Variants in AKAP8L observed in about 807,000 individuals in gnomAD.
AKAP8L encodes the protein A-kinase anchoring protein 8 like, also known as A-kinase anchor protein 8-like.
In AKAP8L, 34 loss-of-function variants were observed where a neutral mutation model predicts 77.5. That is an observed-to-expected ratio of 0.44 (90% CI 0.33 to 0.58). The LOEUF (loss-of-function observed/expected upper bound fraction) is 0.58, where lower values mean the gene tolerates loss of function less well. Among genes scored for constraint, AKAP8L ranks in the 20% least tolerant of loss-of-function variants. AKAP8L has a pLI of 0.02. For synonymous variants in AKAP8L, 342 were observed against 340.7 expected (o/e 1.00, Z -0.04); for missense variants, 806 against 887.6 (o/e 0.91, Z 1.17).
At position 15,389,182 on chromosome 19, in the gene AKAP8L, G is replaced by A. The variant is rs553251298; in HGVS notation, c.1536+7968C>T. On this transcript the variant is annotated intron_variant, in intron 12 of 13. Transcript: ENST00000397410. ...GGAGCTTGCAGTGTGCAGAGATGGC[G>A]CCACTGCACTCCAGCCTAGGCAACA... Among the ~76,000 whole-genome samples the A allele has an allele frequency of 1.4e-3, 204 of 146,758 alleles. 1 individual carries two copies. The highest frequency in any genetic ancestry group is 3.4e-3 in the South Asian group (16 of 4,666).
At position 15,398,509 on chromosome 19, in the gene AKAP8L, C is replaced by T; in HGVS notation, c.1158-654G>A. 1 of 920,928 alleles carries T rather than the reference C, an allele frequency of 1.1e-6. No individual in the cohort carries two copies. The highest frequency in any genetic ancestry group is 1.3e-6 in the Non-Finnish European group (1 of 770,474). 57.0% of individuals were successfully genotyped at this position (920,928 alleles called of 1,614,324 possible). A position where few individuals can be genotyped will look rare whatever the true frequency, so the allele number is the denominator to read the frequency against. Reference sequence around the variant, plus strand: ...AGCCTGGAGTCACCTGGGCGAGGTGCTCTGTCTGGGCCTGGTGTCCACAGT... The same window carrying T: ...AGCCTGGAGTCACCTGGGCGAGGTGTTCTGTCTGGGCCTGGTGTCCACAGT... On this transcript the variant is annotated intron_variant, in intron 9 of 13. Transcript: ENST00000397410. This position sits in a 1 kb window ranked among gnomAD's most constrained non-coding sequence, Gnocchi z 9.2.
chr19:15,380,302 C>T lies in AKAP8L; in HGVS notation c.1761G>A (p.Ala587=). ...CTGGCTCTGGGGGCACGGGAGGCTG[C>T]GCCGGCACGCCCTCTGCGCCCTCCG... is the stretch of plus-strand genomic sequence containing the variant. The part of the protein sequence containing the change: ...GISEGAEGVP[A]QPPVPPEPAP... The change falls in exon 14 of 14, where the codon GCG becomes GCA. Residue 587 remains alanine, a synonymous_variant. Transcript: ENST00000397410. 1.3e-6 allele frequency: 2 copies of T among 1,529,960 alleles called. No individual in the cohort carries two copies. Among genetic ancestry groups the T allele is most frequent in the Non-Finnish European group, 1.7e-6 (2 of 1,144,668 alleles). 94.8% of individuals were successfully genotyped at this position (1,529,960 alleles called of 1,614,324 possible). A position where few individuals can be genotyped will look rare whatever the true frequency, so the allele number is the denominator to read the frequency against.
intron 1 of AKAP8L, among the ~76,000 whole-genome samples, chr19:15,412,741 A>T (rs919978774): frequency 2.0e-4 from 30 of 152,136 alleles, no homozygotes; most frequent in Non-Finnish European, 3.2e-4. Flanking sequence ...ATGGGGTTTC[A>T]CCATGTTAGC....
intron 12 of AKAP8L, chr19:15,383,800 G>A (rs1967467594): frequency 2.0e-5 from 3 of 151,960 alleles, no homozygotes; most frequent in Admixed American, 1.3e-4. Context: ...CCTACTCCCC[G>A]ACTGATATTT....
Position 15,401,740 on chromosome 19 carries a change from G to A in AKAP8L, c.363-137C>T, listed in dbSNP as rs1967905863. The A allele has an allele frequency of 2.7e-5, 19 of 693,330 alleles. 1 individual carries two copies. The Admixed American group carries it at 4.4e-4, about 16-fold the overall frequency. The allele number at this position is 693,330 out of a possible 1,614,324, so 42.9% of individuals were successfully genotyped here. A position where few individuals can be genotyped will look rare whatever the true frequency, so the allele number is the denominator to read the frequency against. Reference sequence around the variant, plus strand: ...GGGAGGCTCAATGTTCAGAAATGCCGATTAAAGAGTTCCAGCCTCTCAGCT... The same window carrying A: ...GGGAGGCTCAATGTTCAGAAATGCCAATTAAAGAGTTCCAGCCTCTCAGCT... On this transcript the variant is annotated intron_variant, in intron 4 of 13. Transcript: ENST00000397410. This position sits in a 1 kb window ranked among gnomAD's most constrained non-coding sequence, Gnocchi z 6.2.
At chr19:15,407,924 A>C (rs1003995728) in intron 2 of AKAP8L, among the ~76,000 whole-genome samples, 1 of 152,254 alleles carries the variant, frequency 6.6e-6, no homozygotes, top group Admixed American at 6.5e-5. Flanking sequence ...TGCAAAAGCA[A>C]AGAAACTAAC....
intron 2 of AKAP8L, 109 bp downstream of exon 2, chr19:15,410,411 G>A (rs1046745409): frequency 5.4e-6 from 5 of 930,150 alleles, no homozygotes; most frequent in Non-Finnish European, 8.3e-6. Flanking sequence ...TTTCACACAA[G>A]TTTAGGTTTA....
intron 13 of AKAP8L, 32 bp downstream of exon 13, chr19:15,380,485 G>A: frequency 6.2e-7 from 1 of 1,613,376 alleles, no homozygotes; most frequent in Non-Finnish European, 8.5e-7. Context: ...GGACTAAGCT[G>A]GGGACAGGGC....
rs982783911 is a variant in AKAP8L, at chr19:15,397,807, G to A, written c.1206C>T (p.Asp402=). Reference sequence around the variant, plus strand: ...TGCTGTCAAGATGGCTGGCCATCTCGTCCTCATAGAAGGTCCGGTATTTGC... The same window carrying A: ...TGCTGTCAAGATGGCTGGCCATCTCATCCTCATAGAAGGTCCGGTATTTGC... The part of the protein sequence containing the change: ...SLCKYRTFYE[D]EMASHLDSKF... Residue 402 remains aspartate, a synonymous_variant, in exon 10 of 14, where the codon GAC becomes GAT. Coordinates refer to ENST00000397410, the MANE Select transcript of AKAP8L (RefSeq NM_014371.4). This position sits in a 1 kb window ranked among gnomAD's most constrained non-coding sequence, Gnocchi z 4.7. The A allele has an allele frequency of 8.7e-6, 14 of 1,613,910 alleles. No individual in the cohort carries two copies. Among genetic ancestry groups the A allele is most frequent in the Non-Finnish European group, 1.1e-5 (13 of 1,179,872 alleles).
intron 2 of AKAP8L, among the ~76,000 whole-genome samples, chr19:15,408,094 A>C (rs1968035442): frequency 6.6e-6 from 1 of 152,184 alleles, no homozygotes; most frequent in Non-Finnish European, 1.5e-5. Flanking sequence ...CGGGAGTTTG[A>C]GACCAGCCTG....
At chr19:15,382,800 C>T (rs1967446195) in intron 12 of AKAP8L, among the ~76,000 whole-genome samples, 1 of 152,182 alleles carries the variant, frequency 6.6e-6, no homozygotes, top group African/African-American at 2.4e-5. Flanking sequence ...CACTTGCGAC[C>T]AGCCACTGCA....
Position 15,398,905 on chromosome 19 carries a change from G to C in AKAP8L, c.1157+397C>G. 2 of 717,748 alleles carry C rather than the reference G, an allele frequency of 2.8e-6. No individual in the cohort carries two copies. The highest frequency in any genetic ancestry group is 3.6e-6 in the Non-Finnish European group (2 of 552,800). 44.5% of individuals were successfully genotyped at this position (717,748 alleles called of 1,614,324 possible). A position where few individuals can be genotyped will look rare whatever the true frequency, so the allele number is the denominator to read the frequency against. On this transcript the variant is annotated intron_variant, in intron 9 of 13. Transcript: ENST00000397410. The surrounding 1 kb of genome is among the most constrained non-coding windows in gnomAD (Gnocchi z 9.2). Reference sequence around the variant, plus strand: ...AGGTGCTGCCATCTCTCCTGGGCACGGCGGTGGCCTCTTGGCAGCTAGCTG... The same window carrying C: ...AGGTGCTGCCATCTCTCCTGGGCACCGCGGTGGCCTCTTGGCAGCTAGCTG...
chr19:15,402,325 C>T (rs186074466), intron 4 of AKAP8L, among the ~76,000 whole-genome samples: 1 of 152,276 alleles, frequency 6.6e-6, no homozygotes, highest in Non-Finnish European at 1.5e-5. Context: ...GTGACTGCAG[C>T]CCGCAGCCCA....
intron 12 of AKAP8L, among the ~76,000 whole-genome samples, chr19:15,390,418 CAAAAA>C (rs34396645): frequency 3.7e-5 from 4 of 109,316 alleles, no homozygotes; most frequent in Admixed American, 9.7e-5. Flanking sequence ...GACCCTGTCT[CAAAAA>C]AAAAAAAAAA....
Position 15,397,880 on chromosome 19 carries a change from C to A in AKAP8L, c.1158-25G>T, listed in dbSNP as rs1206074056. Reference sequence around the variant, plus strand: ...CCTGCCACAGGAAGGAAACGAGGGGCTGAGGCTGCAAGTGTCCCAGGGGAT... The same window carrying A: ...CCTGCCACAGGAAGGAAACGAGGGGATGAGGCTGCAAGTGTCCCAGGGGAT... On this transcript the variant is annotated intron_variant, in intron 9 of 13. Transcript: ENST00000397410. This position sits in a 1 kb window ranked among gnomAD's most constrained non-coding sequence, Gnocchi z 4.7. 6.2e-7 allele frequency: 1 copy of A among 1,610,412 alleles called. No homozygotes were observed. The highest frequency in any genetic ancestry group is 8.5e-7 in the Non-Finnish European group (1 of 1,178,340).
chr19:15,414,009 C>T (rs1307793605), intron 1 of AKAP8L, among the ~76,000 whole-genome samples: 1 of 152,012 alleles, frequency 6.6e-6, no homozygotes, highest in Non-Finnish European at 1.5e-5. Context: ...CTGCAAAGAT[C>T]GCAGAGCAGG....
intron 1 of AKAP8L, among the ~76,000 whole-genome samples, chr19:15,417,196 C>T (rs911234407): frequency 3.3e-5 from 5 of 152,138 alleles, no homozygotes; most frequent in African/African-American, 1.2e-4. Flanking sequence ...CTCAGCTACC[C>T]CACAGCACCC....
At chr19:15,410,712 A>G (rs1968091307) in intron 1 of AKAP8L, 118 bp from the exon 2 acceptor site, 1 of 734,702 alleles carries the variant, frequency 1.4e-6, no homozygotes, top group East Asian at 2.7e-5. Context: ...AAAAGCCACC[A>G]AAACCTCTAG....
chr19:15,404,224 G>C, intron 2 of AKAP8L, 182 bp from the exon 3 acceptor site: 1 of 600,946 alleles, frequency 1.7e-6, no homozygotes, highest in South Asian at 2.1e-5. Context: ...CCTGGTGCCT[G>C]GCTGCCTGTG....
Sources: allele counts gnomAD v4.1 joint callset (sites outside exome capture counted in the v4.1 genomes callset), GRCh38; gene constraint gnomAD v4.1.1; non-coding constraint Gnocchi (gnomAD v3.1); transcripts MANE v1.5; gene names NCBI Gene and HGNC (gene_info 2026-07-23, HGNC 2026-07-21).